INSL6: variants seen among roughly 807,000 people sequenced by gnomAD.
INSL6 encodes insulin like 6.
In INSL6, 16 loss-of-function variants were observed where a neutral mutation model predicts 9.4. The ratio of observed to expected loss-of-function variants is 1.70; its 90% CI spans 1.15 to 2.59. INSL6 has a LOEUF of 2.59. Among genes scored for constraint, INSL6 ranks in the 30% most tolerant of loss-of-function variants. The pLI is 0.00. For missense variants in INSL6, 391 were observed against 257.3 expected (o/e 1.52, Z -3.56); for synonymous variants, 154 against 96.9 (o/e 1.59, Z -3.46).
the INSL6 span, among the ~76,000 whole-genome samples, chr9:5,006,837 T>C: frequency 6.6e-6 from 1 of 152,194 alleles, no homozygotes; most frequent in South Asian, 2.1e-4. Context: ...CAATTATATA[T>C]AGAATTATTC....
chr9:5,072,642 A>G, the INSL6 span: 2 of 1,562,538 alleles, frequency 1.3e-6, no homozygotes, highest in Non-Finnish European at 1.7e-6. Flanking sequence ...TATGTTCTTT[A>G]TATTGTTCAT....
At chr9:5,107,462 A>C in the INSL6 span, among the ~76,000 whole-genome samples, 17 of 152,168 alleles carry the variant, frequency 1.1e-4, no homozygotes, top group Admixed American at 1.0e-3. Flanking sequence ...TGAGCTATTC[A>C]AACAAATTAC....
the INSL6 span, among the ~76,000 whole-genome samples, chr9:5,038,596 A>ATTT: frequency 6.8e-6 from 1 of 146,502 alleles, no homozygotes; most frequent in Non-Finnish European, 1.5e-5. Flanking sequence ...TGGATTTTAG[A>ATTT]TTTTTTTTTT....
At chr9:5,026,223 C>T in the INSL6 span, among the ~76,000 whole-genome samples, 706 of 152,230 alleles carry the variant, frequency 4.6e-3, 6 homozygotes, top group African/African-American at 0.016. Context: ...TCTTGAGTTT[C>T]ACCTTAGTTG....
At chr9:5,134,653 C>T (rs905094875) in intron 2 of INSL6, among the ~76,000 whole-genome samples, 12 of 152,120 alleles carry the variant, frequency 7.9e-5, no homozygotes, top group Non-Finnish European at 1.5e-4. Context: ...GATTTTGTCA[C>T]CATCAGGCCT....
At chr9:5,102,240 G>A in the INSL6 span, among the ~76,000 whole-genome samples, 21 of 152,140 alleles carry the variant, frequency 1.4e-4, no homozygotes, top group Non-Finnish European at 2.4e-4. Context: ...ACTACAGGAC[G>A]CATGCACAAG....
the INSL6 span, among the ~76,000 whole-genome samples, chr9:5,027,457 A>G: frequency 6.6e-6 from 1 of 152,192 alleles, no homozygotes. Context: ...TTGTTAGTGG[A>G]GAGTCTTGCC....
At chr9:5,185,003 G>A (rs907292873) in intron 1 of INSL6, among the ~76,000 whole-genome samples, 2 of 152,214 alleles carry the variant, frequency 1.3e-5, no homozygotes, top group Admixed American at 6.5e-5. Context: ...ACTTCACAGG[G>A]AAAATGATAC....
At chr9:5,078,610 T>C in the INSL6 span, among the ~76,000 whole-genome samples, 1 of 152,216 alleles carries the variant, frequency 6.6e-6, no homozygotes, top group South Asian at 2.1e-4. Context: ...TCTTAGTCTC[T>C]ATTTTTCTTT....
chr9:5,135,589 A>T (rs1329133263), intron 2 of INSL6, among the ~76,000 whole-genome samples: 1 of 152,200 alleles, frequency 6.6e-6, no homozygotes, highest in Admixed American at 6.5e-5. Context: ...ACAAAGAAAC[A>T]ATGTACCAGA....
chr9:5,110,121 G>GCAAA, the INSL6 span: 1 of 152,172 alleles, frequency 6.6e-6, no homozygotes, highest in Non-Finnish European at 1.5e-5. Context: ...TCTCTTAGCA[G>GCAAA]CAGCAGGAAA....
At position 5,164,129 on chromosome 9, in the gene INSL6, A is replaced by T; in HGVS notation, c.426T>A (p.His142Gln). The T allele has an allele frequency of 6.2e-7, 1 of 1,612,424 alleles. No individual in the cohort carries two copies. The highest frequency in any genetic ancestry group is 8.5e-7 in the Non-Finnish European group (1 of 1,179,406). ...GTTTCTTCTGAAATTTTGCATTCTC[A>T]TGAATATATACATTGATATTATGTG... ...SSSHNINVYI[H>Q]ENAKFQKKRR... The change falls in exon 2 of 2, where the codon CAT becomes CAA. Residue 142 changes from histidine to glutamine, a missense_variant. Transcript: ENST00000381641.
intron 1 of INSL6, among the ~76,000 whole-genome samples, chr9:5,184,497 T>C (rs1825525904): frequency 6.6e-6 from 1 of 152,202 alleles, no homozygotes; most frequent in South Asian, 2.1e-4. Context: ...CAAGTATAAA[T>C]TCAGCGCATA....
At chr9:5,172,754 C>T (rs1223093154) in intron 1 of INSL6, among the ~76,000 whole-genome samples, 1 of 152,028 alleles carries the variant, frequency 6.6e-6, no homozygotes, top group Non-Finnish European at 1.5e-5. Context: ...GTAGTGAAAC[C>T]CTGCCTCTTC....
At chr9:5,101,277 T>A in the INSL6 span, among the ~76,000 whole-genome samples, 1 of 152,236 alleles carries the variant, frequency 6.6e-6, no homozygotes, top group Non-Finnish European at 1.5e-5. Flanking sequence ...CCCTGCTCAC[T>A]GCTAGCACAG....
the INSL6 span, chr9:5,072,616 A>G: frequency 6.2e-7 from 1 of 1,604,968 alleles, no homozygotes; most frequent in Non-Finnish European, 8.5e-7. Flanking sequence ...GCACACAGAA[A>G]CTATTCAGAG....
intron 1 of INSL6, among the ~76,000 whole-genome samples, chr9:5,181,011 C>A (rs1825439837): frequency 6.6e-6 from 1 of 152,150 alleles, no homozygotes; most frequent in Admixed American, 6.5e-5. Context: ...TGTGCTGTCA[C>A]CCCCGGCGGC....
At chr9:5,089,776 C>G in the INSL6 span, 437 of 1,599,942 alleles carry the variant, frequency 2.7e-4, 1 homozygote, top group East Asian at 1.2e-4. Flanking sequence ...TGAAGAGCAC[C>G]TAAGAGACTT....
At chr9:5,183,889 A>T (rs184065221) in intron 1 of INSL6, among the ~76,000 whole-genome samples, 240 of 152,320 alleles carry the variant, frequency 1.6e-3, no homozygotes, top group African/African-American at 5.6e-3. Context: ...GCCCCACCCC[A>T]GGTCTACTAA....
Sources: gnomAD v4.1 joint callset for allele counts (sites outside exome capture counted in the v4.1 genomes callset) on GRCh38, gnomAD v4.1.1 for gene constraint, MANE v1.5 for transcripts, NCBI Gene and HGNC (gene_info 2026-07-23, HGNC 2026-07-21) for gene names.